Variants in SORCS2 observed in about 807,000 individuals in gnomAD.
SORCS2 encodes the protein sortilin related VPS10 domain containing receptor 2.
In SORCS2, 100 loss-of-function variants were observed where a neutral mutation model predicts 141.6. That is an observed-to-expected ratio of 0.71 (90% CI 0.60 to 0.83). SORCS2 has a LOEUF of 0.83. SORCS2 is among the 40% of genes least tolerant of loss of function. The probability of loss-of-function intolerance (pLI) is 0.00; values close to 1 mark genes in which losing one functional copy is unlikely to be tolerated. For missense variants in SORCS2, 1,646 were observed against 1,560.2 expected (o/e 1.05, Z -0.93); for synonymous variants, 789 against 676.9 (o/e 1.17, Z -2.57).
chr4:7,605,718 G>C (rs1014577103), intron 3 of SORCS2, among the ~76,000 whole-genome samples: 3 of 152,058 alleles, frequency 2.0e-5, no homozygotes, highest in Admixed American at 1.3e-4. Flanking sequence ...TTTCACATCT[G>C]CCTCTGCTCT....
chr4:7,359,527 G>A (rs796486563), intron 1 of SORCS2, among the ~76,000 whole-genome samples: 21 of 152,286 alleles, frequency 1.4e-4, no homozygotes, highest in African/African-American at 5.1e-4. Context: ...AAGCCATGGC[G>A]GGATCTAAAA....
intron 1 of SORCS2, among the ~76,000 whole-genome samples, chr4:7,320,076 G>C (rs1718804084): frequency 6.6e-6 from 1 of 152,212 alleles, no homozygotes; most frequent in African/African-American, 2.4e-5. Flanking sequence ...GCCGAGGAGG[G>C]TGTATCCCTT....
chr4:7,595,157 C>A (rs917706524), intron 3 of SORCS2, among the ~76,000 whole-genome samples: 1 of 152,144 alleles, frequency 6.6e-6, no homozygotes, highest in African/African-American at 2.4e-5. Context: ...TAATTCGCCA[C>A]ACAGAACTCA....
chr4:7,416,828 A>G (rs958962082), intron 2 of SORCS2, among the ~76,000 whole-genome samples: 1 of 150,640 alleles, frequency 6.6e-6, no homozygotes, highest in Non-Finnish European at 1.5e-5. Context: ...ACACTTGTGA[A>G]CACACACAAA....
chr4:7,305,977 C>T (rs1213108580), intron 1 of SORCS2, among the ~76,000 whole-genome samples: 1 of 152,212 alleles, frequency 6.6e-6, no homozygotes, highest in East Asian at 1.9e-4. Flanking sequence ...ATCCTGTGTG[C>T]CTTGAGCAGG....
chr4:7,269,290 G>A (rs73799441), intron 1 of SORCS2, among the ~76,000 whole-genome samples: 8,348 of 152,248 alleles, frequency 0.055, 739 homozygotes, highest in African/African-American at 0.19. Flanking sequence ...GCAAGTGACC[G>A]GCAGGAAGGG....
intron 1 of SORCS2, among the ~76,000 whole-genome samples, chr4:7,308,322 C>G (rs1211333400): frequency 6.6e-6 from 1 of 152,192 alleles, no homozygotes; most frequent in East Asian, 1.9e-4. Context: ...GCTGCTCCAG[C>G]CTGGCTGGCT....
chr4:7,285,923 C>G (rs1039606434), intron 1 of SORCS2, among the ~76,000 whole-genome samples: 3 of 152,120 alleles, frequency 2.0e-5, no homozygotes, highest in Non-Finnish European at 4.4e-5. Context: ...GGCGTGAGGC[C>G]GACAGCCTGG....
At chr4:7,585,539 G>A (rs374562957) in intron 3 of SORCS2, among the ~76,000 whole-genome samples, 2 of 152,162 alleles carry the variant, frequency 1.3e-5, no homozygotes, top group South Asian at 4.1e-4. Flanking sequence ...GACTATCAGG[G>A]GACCAGGATA....
Position 7,664,466 on chromosome 4 carries a change from T to C in SORCS2, c.1066T>C (p.Phe356Leu). Reference sequence around the variant, plus strand: ...GACCGTGCAGGACGATTACATCTTCTTTAAGGTAAGGTTGCTTCTGGGGCT... The same window carrying C: ...GACCGTGCAGGACGATTACATCTTCCTTAAGGTAAGGTTGCTTCTGGGGCT... ...SLTVQDDYIF[F>L]KATSANQTKY... Residue 356 changes from phenylalanine to leucine, a missense_variant, in exon 7 of 27, where the codon TTT becomes CTT. Physicochemically the swap from Phe to Leu is conservative, Grantham distance 22 (BLOSUM62 0). Transcript: ENST00000507866. The surrounding 1 kb of genome is among the most constrained non-coding windows in gnomAD (Gnocchi z 4.7). 6.2e-7 allele frequency: 1 copy of C among 1,609,694 alleles called. No homozygotes were observed. Among genetic ancestry groups the C allele is most frequent in the South Asian group, 1.1e-5 (1 of 90,550 alleles).
At chr4:7,631,646 C>CGG (rs369297547) in intron 3 of SORCS2, among the ~76,000 whole-genome samples, 1 of 151,944 alleles carries the variant, frequency 6.6e-6, no homozygotes, top group African/African-American at 2.4e-5. Context: ...GTGACCCCCC[C>CGG]GGGGGGGCAG....
rs149540354 is a variant in SORCS2 at position 7,595,668 on chromosome 4, T to G, written c.649-42660T>G. 5.9e-5 allele frequency among the ~76,000 whole-genome samples: 9 copies of G among 152,248 alleles called. No homozygotes were observed. In the East Asian group the frequency reaches 1.5e-3, roughly 26 times the overall value. On this transcript the variant is annotated intron_variant, in intron 3 of 26. Coordinates refer to ENST00000507866, the MANE Select transcript of SORCS2 (RefSeq NM_020777.3). ...CCAGAGACCAAATATCTATTTCTTC[T>G]TTTGCCACAGGCCAGGGATGTCCTG... is the stretch of plus-strand genomic sequence containing the variant.
Position 7,718,094 on chromosome 4 carries a change from C to G in SORCS2, c.2335C>G (p.Pro779Ala). The G allele has an allele frequency of 6.2e-7, 1 of 1,611,710 alleles. No individual in the cohort carries two copies. The highest frequency in any genetic ancestry group is 8.5e-7 in the Non-Finnish European group (1 of 1,179,092). The change falls in exon 18 of 27, where the codon CCG (proline) becomes GCG (alanine). Residue 779 changes from proline to alanine, a missense_variant. Pro to Ala is a conservative substitution (Grantham distance 27). Transcript: ENST00000507866. The stretch of plus-strand genomic sequence containing the variant: ...GGTGCAGCTGCAGTGCCCCCTCACG[C>G]CGCCCCGGGGCCTGCAGGTCAGCAT... ...SQVQLQCPLT[P>A]PRGLQVSIQG... is the part of the protein sequence containing the mutation.
chr4:7,329,246 G>A (rs906150853), intron 1 of SORCS2, among the ~76,000 whole-genome samples: 2 of 152,346 alleles, frequency 1.3e-5, no homozygotes, highest in East Asian at 3.9e-4. Context: ...GCCTGGGAGG[G>A]CATGGTGTCA....
chr4:7,726,991 G>T, intron 21 of SORCS2, 88 bp downstream of exon 21: 10 of 1,402,400 alleles, frequency 7.1e-6, no homozygotes, highest in East Asian at 2.7e-5. Context: ...GTAAGCCATG[G>T]ATGTCCTGGT....
chr4:7,722,779 C>T (rs1325441272), intron 18 of SORCS2, among the ~76,000 whole-genome samples: 1 of 152,224 alleles, frequency 6.6e-6, no homozygotes, highest in African/African-American at 2.4e-5. Flanking sequence ...TTTACCACAT[C>T]TGTGGAGAAA....
At chr4:7,678,778 G>C (rs1487207228) in intron 9 of SORCS2, among the ~76,000 whole-genome samples, 1 of 150,514 alleles carries the variant, frequency 6.6e-6, no homozygotes, top group Non-Finnish European at 1.5e-5. Flanking sequence ...GTCACAGCTG[G>C]TGGTTACAAG....
chr4:7,246,416 C>T (rs1713092334), intron 1 of SORCS2, among the ~76,000 whole-genome samples: 1 of 151,888 alleles, frequency 6.6e-6, no homozygotes, highest in South Asian at 2.1e-4. Flanking sequence ...AATGAACCCA[C>T]ACATCTCACT....
chr4:7,730,346 A>C (rs1188022682), intron 23 of SORCS2, among the ~76,000 whole-genome samples: 2 of 152,200 alleles, frequency 1.3e-5, no homozygotes, highest in East Asian at 1.9e-4. Context: ...TGCTGTGCAA[A>C]ACGGGCTGGA....
Sources: allele counts gnomAD v4.1 joint callset (sites outside exome capture counted in the v4.1 genomes callset), GRCh38; gene constraint gnomAD v4.1.1; non-coding constraint Gnocchi (gnomAD v3.1); transcripts MANE v1.5; gene names NCBI Gene and HGNC (gene_info 2026-07-23, HGNC 2026-07-21).